The following BTBD8 variants were observed in gnomAD, a reference collection of about 807,000 sequenced individuals.
BTBD8 encodes the protein BTB domain containing 8, also known as BTB/POZ domain-containing protein 8.
Under a neutral mutation model 162.9 loss-of-function variants are expected in BTBD8, and 110 were observed. The ratio of observed to expected loss-of-function variants is 0.68; its 90% confidence interval spans 0.58 to 0.79. BTBD8 has a LOEUF of 0.79. BTBD8 is among the 30% of genes least tolerant of loss of function. The pLI is 0.00. For missense variants in BTBD8, 1,905 were observed against 2,085.4 expected (o/e 0.91, Z 1.68); for synonymous variants, 667 against 716.1 (o/e 0.93, Z 1.10).
intron 10 of BTBD8, 149 bp from the exon 11 acceptor site, chr1:92,167,699 C>A: frequency 3.6e-6 from 2 of 555,856 alleles, no homozygotes; most frequent in Non-Finnish European, 3.1e-6. Flanking sequence ...CGTGCATATG[C>A]ATATATGCGA....
intron 9 of BTBD8, among the ~76,000 whole-genome samples, chr1:92,149,063 G>T (rs1008900811): frequency 1.3e-5 from 2 of 152,076 alleles, no homozygotes; most frequent in Admixed American, 1.3e-4. Context: ...GAGGGCAAAG[G>T]GAATATGGAG....
chr1:92,129,586 T>G, intron 4 of BTBD8, 101 bp from the exon 5 acceptor site: 1 of 872,392 alleles, frequency 1.1e-6, no homozygotes, highest in Non-Finnish European at 1.9e-6. Flanking sequence ...AACAAATAGA[T>G]TATTGTGTTT....
intron 12 of BTBD8, 22 bp downstream of exon 12, chr1:92,169,017 T>C: frequency 6.6e-7 from 1 of 1,508,972 alleles, no homozygotes; most frequent in East Asian, 2.5e-5. Flanking sequence ...TTGAGATATT[T>C]CAATTCTTAT....
At chr1:92,140,732 A>G (rs1405915094) in intron 6 of BTBD8, among the ~76,000 whole-genome samples, 2 of 152,246 alleles carry the variant, frequency 1.3e-5, no homozygotes, top group Non-Finnish European at 2.9e-5. Context: ...ATGATCAGAC[A>G]TTAGTGAATT....
chr1:92,168,900 A>G lies in BTBD8; in HGVS notation c.1478A>G (p.Lys493Arg), dbSNP rs1184281263. ...FTCKIQALRD[K>R]LWIFLVQSFY... is the part of the protein sequence containing the mutation. Reference sequence around the variant, plus strand: ...TGCAAGATCCAGGCTCTGCGTGATAAGCTGTGGATCTTCCTGGTTCAGTCT... The same window carrying G: ...TGCAAGATCCAGGCTCTGCGTGATAGGCTGTGGATCTTCCTGGTTCAGTCT... Residue 493 changes from lysine to arginine, a missense_variant, in exon 12 of 18, where the codon AAG becomes AGG. Coordinates refer to ENST00000636805, the MANE Select transcript of BTBD8 (RefSeq NM_001376131.1). 6.5e-7 allele frequency: 1 copy of G among 1,541,672 alleles called. No homozygotes were observed. Among genetic ancestry groups the G allele is most frequent in the African/African-American group, 1.4e-5 (1 of 73,092 alleles).
intron 3 of BTBD8, among the ~76,000 whole-genome samples, chr1:92,106,943 G>A (rs537298393): frequency 7.9e-5 from 12 of 151,970 alleles, no homozygotes; most frequent in East Asian, 7.8e-4. Flanking sequence ...GCATGGTGGC[G>A]TACACCTGTA....
chr1:92,176,072 G>A (rs1418892197), intron 13 of BTBD8, among the ~76,000 whole-genome samples: 2 of 152,082 alleles, frequency 1.3e-5, no homozygotes, highest in African/African-American at 2.4e-5. Context: ...CTTTGCAGAT[G>A]TAGTGTATTG....
chr1:92,122,451 A>G lies in BTBD8; in HGVS notation c.663-7236A>G, dbSNP rs1034601820. On this transcript the variant is annotated intron_variant, in intron 4 of 17. Coordinates refer to ENST00000636805, the MANE Select transcript of BTBD8 (RefSeq NM_001376131.1). ...TTTTTATATTTTTAGTAGAGACGGG[A>G]TTTCACCATGTTGGCCAGGATGGTC... Among the ~76,000 whole-genome samples the G allele has an allele frequency of 5.9e-5, 9 of 151,550 alleles. 1 individual carries two copies. The South Asian group carries it at 8.4e-4, about 14-fold the overall frequency.
chr1:92,158,430 A>C (rs950993108), intron 9 of BTBD8, among the ~76,000 whole-genome samples: 4 of 152,122 alleles, frequency 2.6e-5, no homozygotes, highest in African/African-American at 9.7e-5. Context: ...TGGGACCTAC[A>C]TAAATATCTC....
At chr1:92,132,396 G>A (rs1231661168) in intron 5 of BTBD8, among the ~76,000 whole-genome samples, 2 of 151,704 alleles carry the variant, frequency 1.3e-5, no homozygotes, top group Non-Finnish European at 2.9e-5. Context: ...TTTTAAAGAT[G>A]AGGTCTATTT....
intron 16 of BTBD8, among the ~76,000 whole-genome samples, chr1:92,178,972 G>A (rs187416957): frequency 7.2e-5 from 11 of 152,276 alleles, no homozygotes; most frequent in East Asian, 1.9e-4. Context: ...CAGGCTAGGC[G>A]CGGTGGCTCA....
At chr1:92,150,983 GGT>G in intron 9 of BTBD8, 1 of 152,228 alleles carries the variant, frequency 6.6e-6, no homozygotes, top group East Asian at 1.9e-4. Flanking sequence ...CATCAGACTG[GGT>G]TACATAGAAG....
intron 1 of BTBD8, among the ~76,000 whole-genome samples, chr1:92,085,454 T>G (rs1648132170): frequency 6.6e-6 from 1 of 152,138 alleles, no homozygotes; most frequent in Non-Finnish European, 1.5e-5. Context: ...TAGCCTGGCA[T>G]GGTGGTGCGC....
chr1:92,161,759 T>G (rs564752448), intron 9 of BTBD8, among the ~76,000 whole-genome samples: 2 of 152,206 alleles, frequency 1.3e-5, no homozygotes, highest in Non-Finnish European at 2.9e-5. Flanking sequence ...CCTGGGAAGG[T>G]CATAAATTAG....
Position 92,181,647 on chromosome 1 carries a change from A to G in BTBD8, c.3964A>G (p.Lys1322Glu), listed in dbSNP as rs1198450414. The change falls in exon 17 of 18, where the codon AAA becomes GAA. Residue 1322 changes from lysine to glutamate, a missense_variant. Physicochemically the swap from Lys to Glu is moderately conservative, Grantham distance 56 (BLOSUM62 1). This residue lies in a region of BTBD8 where 517 missense variants were observed against 606.6 expected (regional missense o/e 0.85). Coordinates refer to ENST00000636805, the MANE Select transcript of BTBD8 (RefSeq NM_001376131.1). ...IYDSNLRIEV[K>E]MKKQSNNDLF... ...TGATAGTAATTTAAGAATTGAAGTA[A>G]AAATGAAAAAGCAAAGTAATAATGA... The G allele has an allele frequency of 6.4e-7, 1 of 1,550,656 alleles. No individual in the cohort carries two copies. Among genetic ancestry groups the G allele is most frequent in the Non-Finnish European group, 8.7e-7 (1 of 1,146,364 alleles).
chr1:92,082,679 C>T (rs1003701429), intron 1 of BTBD8, among the ~76,000 whole-genome samples: 1 of 152,114 alleles, frequency 6.6e-6, no homozygotes, highest in African/African-American at 2.4e-5. Context: ...CAGAGACACT[C>T]CTAGGTTACC....
At chr1:92,176,713 A>T in intron 13 of BTBD8, 116 bp from the exon 14 acceptor site, 1 of 541,116 alleles carries the variant, frequency 1.8e-6, no homozygotes, top group South Asian at 4.2e-5. Flanking sequence ...TTGACCTTAA[A>T]TCATAATATG....
intron 1 of BTBD8, among the ~76,000 whole-genome samples, chr1:92,087,003 T>C (rs1283729021): frequency 1.3e-5 from 2 of 150,940 alleles, no homozygotes; most frequent in South Asian, 2.1e-4. Flanking sequence ...CTTGGCATCA[T>C]TGAGACTTCT....
chr1:92,080,756 C>T, intron 1 of BTBD8, 36 bp downstream of exon 1: 1 of 1,585,412 alleles, frequency 6.3e-7, no homozygotes, highest in Non-Finnish European at 8.6e-7. Context: ...GCTTCAGTTC[C>T]TAAATCGCCC....
Sources: gnomAD v4.1 joint callset for allele counts (sites outside exome capture counted in the v4.1 genomes callset) on GRCh38, gnomAD v4.1.1 for gene constraint, gnomAD v4.1.1 regional missense constraint, MANE v1.5 for transcripts, NCBI Gene and HGNC (gene_info 2026-07-23, HGNC 2026-07-21) for gene names.